The following SNTG1 variants were observed in gnomAD, a reference collection of about 807,000 sequenced individuals.
The protein encoded by SNTG1 is gamma-1-syntrophin.
Under a neutral mutation model 74.7 loss-of-function variants are expected in SNTG1, and 39 were observed. That is an observed-to-expected ratio of 0.52 (90% CI 0.40 to 0.68). The LOEUF (loss-of-function observed/expected upper bound fraction) is 0.68, where lower values mean the gene tolerates loss of function less well. Among genes scored for constraint, SNTG1 ranks in the 30% least tolerant of loss-of-function variants. SNTG1 has a pLI of 0.00. For missense variants in SNTG1, 685 were observed against 609.5 expected (o/e 1.12, Z -1.30); for synonymous variants, 254 against 217.1 (o/e 1.17, Z -1.49).
At chr8:50,147,163 A>G (rs2081901665) in intron 1 of SNTG1, among the ~76,000 whole-genome samples, 1 of 152,242 alleles carries the variant, frequency 6.6e-6, no homozygotes, top group Non-Finnish European at 1.5e-5. Context: ...GGTGGTAGAT[A>G]CATGACTCTA....
At chr8:50,296,906 G>A (rs2089409104) in intron 2 of SNTG1, among the ~76,000 whole-genome samples, 1 of 152,130 alleles carries the variant, frequency 6.6e-6, no homozygotes, top group Non-Finnish European at 1.5e-5. Flanking sequence ...AGCGCAAGAA[G>A]TACTCCCTAA....
chr8:50,200,096 A>C (rs1262992625), intron 2 of SNTG1, among the ~76,000 whole-genome samples: 3 of 152,182 alleles, frequency 2.0e-5, no homozygotes, highest in Non-Finnish European at 2.9e-5. Context: ...TAATAACAGC[A>C]AATATTTTCT....
rs184496539 is a variant in SNTG1, at chr8:50,601,735, T to C, written c.849+10818T>C. On this transcript the variant is annotated intron_variant, in intron 13 of 18. Transcript: ENST00000642720. ...AAAGTTGGGTGTTGAAGTGTGTAGC[T>C]ATTCTTGTATTGAGATCTGTCTCTC... 3.5e-4 allele frequency among the ~76,000 whole-genome samples: 54 copies of C among 152,318 alleles called. 1 individual carries two copies. The East Asian group carries it at 8.1e-3, about 23-fold the overall frequency.
chr8:50,033,653 T>G (rs1370130996), intron 1 of SNTG1, among the ~76,000 whole-genome samples: 1 of 151,876 alleles, frequency 6.6e-6, no homozygotes, highest in Non-Finnish European at 1.5e-5. Flanking sequence ...CTCATGTGAT[T>G]TTTTTTCTCT....
intron 2 of SNTG1, among the ~76,000 whole-genome samples, chr8:50,212,836 C>T (rs913507511): frequency 2.6e-5 from 4 of 152,284 alleles, no homozygotes; most frequent in Non-Finnish European, 4.4e-5. Flanking sequence ...CTTCCAGCAG[C>T]TGTGTTGTAA....
At chr8:50,128,154 A>G (rs941081255) in intron 1 of SNTG1, among the ~76,000 whole-genome samples, 2 of 152,148 alleles carry the variant, frequency 1.3e-5, no homozygotes, top group African/African-American at 4.8e-5. Flanking sequence ...TTGGAAAAAG[A>G]AAGATTCTGT....
At chr8:50,025,904 A>T (rs1442292498) in intron 1 of SNTG1, among the ~76,000 whole-genome samples, 2 of 152,178 alleles carry the variant, frequency 1.3e-5, no homozygotes, top group Non-Finnish European at 2.9e-5. Context: ...CATTGATAAA[A>T]TGCTAGACTA....
chr8:49,953,701 A>G (rs182780004), intron 1 of SNTG1, among the ~76,000 whole-genome samples: 2 of 152,318 alleles, frequency 1.3e-5, no homozygotes, highest in African/African-American at 4.8e-5. Context: ...AATTTGCTGG[A>G]AAAGTTCATA....
chr8:50,618,909 G>GTA (rs796825918), intron 13 of SNTG1, among the ~76,000 whole-genome samples: 5 of 151,782 alleles, frequency 3.3e-5, no homozygotes, highest in Non-Finnish European at 5.9e-5. Context: ...GTGTGTGTGT[G>GTA]TATATATATA....
intron 18 of SNTG1, among the ~76,000 whole-genome samples, chr8:50,771,753 T>C (rs2095627751): frequency 6.6e-6 from 1 of 151,862 alleles, no homozygotes; most frequent in Non-Finnish European, 1.5e-5. Flanking sequence ...TACAGAATGG[T>C]TTTGGGGGAC....
chr8:50,325,832 T>G (rs2090722834), intron 2 of SNTG1, among the ~76,000 whole-genome samples: 1 of 152,110 alleles, frequency 6.6e-6, no homozygotes, highest in Admixed American at 6.5e-5. Flanking sequence ...GTGGAAAAGC[T>G]TTTGGTTTTC....
intron 1 of SNTG1, among the ~76,000 whole-genome samples, chr8:50,022,155 T>G (rs1278023662): frequency 2.0e-5 from 3 of 152,152 alleles, no homozygotes; most frequent in Non-Finnish European, 4.4e-5. Context: ...TGTGTCATTT[T>G]TAACAAGACA....
chr8:50,701,618 C>CTTCTTCTTCTTCTTCTTCTTCCTCTT (rs201341360), intron 15 of SNTG1, among the ~76,000 whole-genome samples: 1 of 136,890 alleles, frequency 7.3e-6, no homozygotes, highest in African/African-American at 3.2e-5. Flanking sequence ...TCTTCTTCTT[C>CTTCTTCTTCTTCTTCTTCTTCCTCTT]GTGTTCCTCT....
chr8:49,948,767 G>C (rs147578265), intron 1 of SNTG1, among the ~76,000 whole-genome samples: 1 of 152,178 alleles, frequency 6.6e-6, no homozygotes, highest in Non-Finnish European at 1.5e-5. Flanking sequence ...GAAGGATGCA[G>C]TGTCTCTGCT....
intron 2 of SNTG1, among the ~76,000 whole-genome samples, chr8:50,285,536 G>A (rs962230406): frequency 3.9e-5 from 6 of 152,040 alleles, no homozygotes; most frequent in African/African-American, 1.4e-4. Flanking sequence ...TCTTTCTTAG[G>A]AAATACACAC....
At chr8:49,990,383 T>G (rs1451250307) in intron 1 of SNTG1, among the ~76,000 whole-genome samples, 1 of 152,062 alleles carries the variant, frequency 6.6e-6, no homozygotes, top group African/African-American at 2.4e-5. Context: ...CTTTATTAGA[T>G]TCTAGCTTGG....
chr8:50,038,481 C>G (rs1013044434), intron 1 of SNTG1, among the ~76,000 whole-genome samples: 1 of 152,164 alleles, frequency 6.6e-6, no homozygotes, highest in Admixed American at 6.5e-5. Context: ...GATGCACAGA[C>G]CTTATCACTA....
intron 13 of SNTG1, among the ~76,000 whole-genome samples, chr8:50,632,363 T>C (rs2095006395): frequency 6.6e-6 from 1 of 151,980 alleles, no homozygotes; most frequent in African/African-American, 2.4e-5. Flanking sequence ...CAGGTTGGAG[T>C]GCAGTGTTGC....
intron 1 of SNTG1, among the ~76,000 whole-genome samples, chr8:50,135,424 A>T: frequency 6.6e-6 from 1 of 152,292 alleles, no homozygotes; most frequent in East Asian, 1.9e-4. Context: ...AGCATTTGTC[A>T]TTATTTGAAT....
Sources: gnomAD v4.1 joint callset for allele counts (sites outside exome capture counted in the v4.1 genomes callset) on GRCh38, gnomAD v4.1.1 for gene constraint, MANE v1.5 for transcripts, NCBI Gene and HGNC (gene_info 2026-07-23, HGNC 2026-07-21) for gene names.